The following ANKRD44 variants were observed in gnomAD, a reference collection of about 807,000 sequenced individuals.
ANKRD44 encodes the protein ankyrin repeat domain 44.
In ANKRD44, 35 loss-of-function variants were observed where a neutral mutation model predicts 116.0. That is an observed-to-expected ratio of 0.30 (90% CI 0.23 to 0.40). ANKRD44 has a LOEUF of 0.40. Ranked by LOEUF, ANKRD44 falls within the 10% of genes least tolerant of loss-of-function variation. The probability of loss-of-function intolerance (pLI) is 1.00; values close to 1 mark genes in which losing one functional copy is unlikely to be tolerated. For synonymous variants in ANKRD44, 435 were observed against 461.8 expected (o/e 0.94, Z 0.74); for missense variants, 1,014 against 1,242.6 (o/e 0.82, Z 2.77).
chr2:197,045,068 A>G (rs2124976833), intron 16 of ANKRD44, among the ~76,000 whole-genome samples: 1 of 150,838 alleles, frequency 6.6e-6, no homozygotes, highest in South Asian at 2.1e-4. Context: ...GCACAGTTTA[A>G]ACCATAAGCT....
At chr2:197,278,379 CAG>C (rs761763154) in intron 1 of ANKRD44, among the ~76,000 whole-genome samples, 3 of 151,880 alleles carry the variant, frequency 2.0e-5, no homozygotes, top group Non-Finnish European at 4.4e-5. Flanking sequence ...TTTGTTTTGA[CAG>C]AGTCTTGCTC....
At position 196,998,416 on chromosome 2, in the gene ANKRD44, A is replaced by G. The variant is rs1209631677; in HGVS notation, c.2669T>C (p.Ile890Thr). ...ATCAGCCTGGGCACTGTTCACCAAA[A>G]TATCTGTAGAAAAAGCCCAAAAGAG... ...AENGQAGAVDILVNSAQADLT... is the reference protein window; with the variant it reads ...AENGQAGAVDTLVNSAQADLT... The change falls in exon 25 of 28, where the codon ATT (isoleucine) becomes ACT (threonine). Residue 890 changes from isoleucine (I) to threonine (T), a missense_variant. Transcript: ENST00000282272. 3 of 1,613,226 alleles carry G rather than the reference A, an allele frequency of 1.9e-6. No individual in the cohort carries two copies. The African/African-American group carries it at 4.0e-5, about 22-fold the overall frequency.
chr2:196,995,636 C>A (rs1410250456), intron 25 of ANKRD44, among the ~76,000 whole-genome samples, 175 bp from the exon 26 acceptor site: 2 of 152,050 alleles, frequency 1.3e-5, no homozygotes, highest in Non-Finnish European at 2.9e-5. Context: ...TCCAGACACT[C>A]TAAGAGTCCT....
At chr2:197,264,568 T>C (rs1450004445) in intron 1 of ANKRD44, among the ~76,000 whole-genome samples, 1 of 152,166 alleles carries the variant, frequency 6.6e-6, no homozygotes, top group Non-Finnish European at 1.5e-5. Flanking sequence ...CAACAAATAG[T>C]TCATAACATG....
chr2:197,199,514 G>A (rs962684865), intron 1 of ANKRD44, among the ~76,000 whole-genome samples: 12 of 152,150 alleles, frequency 7.9e-5, no homozygotes, highest in African/African-American at 2.7e-4. Context: ...TACCACAAAT[G>A]TGAACAGCCC....
At chr2:197,145,998 G>A (rs993352705) in intron 3 of ANKRD44, among the ~76,000 whole-genome samples, 1 of 152,106 alleles carries the variant, frequency 6.6e-6, no homozygotes, top group African/African-American at 2.4e-5. Flanking sequence ...TTCATTCCAG[G>A]ATTTGTCTAG....
intron 16 of ANKRD44, among the ~76,000 whole-genome samples, chr2:197,048,114 G>A (rs985713620): frequency 6.6e-6 from 1 of 152,044 alleles, no homozygotes; most frequent in African/African-American, 2.4e-5. Context: ...AATATTTTAT[G>A]TGAAATTTTG....
intron 8 of ANKRD44, among the ~76,000 whole-genome samples, chr2:197,119,716 T>C (rs1208358846): frequency 1.3e-5 from 2 of 152,176 alleles, no homozygotes; most frequent in Non-Finnish European, 2.9e-5. Flanking sequence ...TTAGAAATCA[T>C]TTTTCAAAAC....
At chr2:197,280,619 T>C (rs1438561702) in intron 1 of ANKRD44, among the ~76,000 whole-genome samples, 1 of 152,194 alleles carries the variant, frequency 6.6e-6, no homozygotes, top group Non-Finnish European at 1.5e-5. Context: ...CGCTGTACAA[T>C]AGCCACGGTC....
At chr2:197,089,471 T>C (rs2077994975) in intron 11 of ANKRD44, among the ~76,000 whole-genome samples, 2 of 152,160 alleles carry the variant, frequency 1.3e-5, no homozygotes, top group Admixed American at 6.5e-5. Flanking sequence ...ATTTTAAAAA[T>C]TGAAATTAAA....
At position 197,273,981 on chromosome 2, in the gene ANKRD44, ATATATATATATATATATATAT is replaced by A. The variant is rs1226830427; in HGVS notation, c.27+36576_27+36596del. The stretch of plus-strand genomic sequence containing the variant: ...ACCACAAAAAAAAAAAAAAAAAAAA[ATATATATATATATATATATAT>A]ATATATATATATATATATATATATA... On this transcript the variant is annotated intron_variant, in intron 1 of 27. Transcript: ENST00000282272. Among the ~76,000 whole-genome samples the A allele has an allele frequency of 5.9e-3, 142 of 23,980 alleles. 14 individuals carry two copies. Among genetic ancestry groups the A allele is most frequent in the African/African-American group, 0.031 (136 of 4,398 alleles). The allele number at this position is 23,980 out of a possible 152,430, so 15.7% of individuals were successfully genotyped here. A position where few individuals can be genotyped will look rare whatever the true frequency, so the allele number is the denominator to read the frequency against.
rs574740436 is a variant in ANKRD44 at position 197,228,763 on chromosome 2, C to T, written c.28-41657G>A. 3.3e-5 allele frequency among the ~76,000 whole-genome samples: 5 copies of T among 152,282 alleles called. No individual in the cohort carries two copies. In the East Asian group the frequency reaches 9.7e-4, roughly 29 times the overall value. On this transcript the variant is annotated intron_variant, in intron 1 of 27. Transcript: ENST00000282272. ...TCTGAAGAGCAGTTACAGCCTGGCGCGGAGGCTCACGCCTGTAATCCCAGC... is the reference window on the plus strand; with the variant it reads ...TCTGAAGAGCAGTTACAGCCTGGCGTGGAGGCTCACGCCTGTAATCCCAGC...
At chr2:197,305,495 C>A (rs547054824) in intron 1 of ANKRD44, among the ~76,000 whole-genome samples, 5 of 152,244 alleles carry the variant, frequency 3.3e-5, no homozygotes, top group Non-Finnish European at 7.4e-5. Flanking sequence ...AAATACAAAT[C>A]TTTTTAAAGA....
At chr2:197,127,952 G>A (rs746835114) in intron 4 of ANKRD44, among the ~76,000 whole-genome samples, 3 of 152,156 alleles carry the variant, frequency 2.0e-5, no homozygotes, top group Non-Finnish European at 2.9e-5. Flanking sequence ...GTTTGCTAAG[G>A]ACAACAGCTT....
intron 2 of ANKRD44, among the ~76,000 whole-genome samples, chr2:197,150,842 G>T (rs371744230): frequency 6.6e-6 from 1 of 152,054 alleles, no homozygotes; most frequent in Non-Finnish European, 1.5e-5. Flanking sequence ...CTAGAACTGC[G>T]ACCTCCAAGC....
intron 1 of ANKRD44, among the ~76,000 whole-genome samples, chr2:197,249,409 T>C (rs986203198): frequency 3.3e-5 from 5 of 152,228 alleles, no homozygotes; most frequent in Non-Finnish European, 4.4e-5. Context: ...AGGAAGAGCT[T>C]CCCAGTTTTG....
intron 1 of ANKRD44, among the ~76,000 whole-genome samples, chr2:197,309,659 C>T (rs995501238): frequency 3.3e-5 from 5 of 152,142 alleles, no homozygotes; most frequent in African/African-American, 1.2e-4. Flanking sequence ...CCTTTCACTA[C>T]CCACGAATAA....
chr2:197,155,388 T>C (rs966003328), intron 2 of ANKRD44, among the ~76,000 whole-genome samples: 1 of 152,192 alleles, frequency 6.6e-6, no homozygotes, highest in Non-Finnish European at 1.5e-5. Flanking sequence ...GTAAATACAA[T>C]GAAAGTTATT....
intron 16 of ANKRD44, among the ~76,000 whole-genome samples, chr2:197,057,215 T>C (rs918834118): frequency 6.6e-6 from 1 of 152,268 alleles, no homozygotes; most frequent in African/African-American, 2.4e-5. Flanking sequence ...CAAATAGGTA[T>C]TGAGCTTTAC....
Sources: allele counts gnomAD v4.1 joint callset (sites outside exome capture counted in the v4.1 genomes callset), GRCh38; gene constraint gnomAD v4.1.1; transcripts MANE v1.5; gene names NCBI Gene and HGNC (gene_info 2026-07-23, HGNC 2026-07-21).